Variants in ZNF263 observed in about 807,000 individuals in gnomAD.
ZNF263 encodes the protein zinc finger protein FPM315.
In ZNF263, 49 loss-of-function variants were observed where a neutral mutation model predicts 63.1. That is an observed-to-expected ratio of 0.78 (90% CI 0.62 to 0.99). ZNF263 has a LOEUF of 0.99. Among genes scored for constraint, ZNF263 ranks in the 50% least tolerant of loss-of-function variants. The pLI is 0.00. For missense variants in ZNF263, 872 were observed against 854.8 expected (o/e 1.02, Z -0.25); for synonymous variants, 352 against 324.2 (o/e 1.09, Z -0.92).
rs749020148 is a variant in ZNF263, at chr16:3,289,529, G to A, written c.1023G>A (p.Ser341=). The change falls in exon 6 of 6, where the codon TCG becomes TCA. Residue 341 remains serine, a synonymous_variant. Transcript: ENST00000219069. ...SPELGRPHDR[S]QGDWAPPPEG... ...AGCTGGGAAGACCTCATGACCGGTC[G>A]CAAGGGGATTGGGCGCCTCCCCCAG... 4.8e-5 allele frequency: 76 copies of A among 1,599,542 alleles called. No homozygotes were observed. In the Admixed American group the frequency reaches 7.5e-4, roughly 16 times the overall value.
chr16:3,284,964 G>A (rs1959286472), intron 1 of ZNF263, 95 bp from the exon 2 acceptor site: 1 of 1,470,336 alleles, frequency 6.8e-7, no homozygotes, highest in Non-Finnish European at 9.3e-7. Flanking sequence ...GATCGCCTGA[G>A]GTTCTCTGTT....
At chr16:3,286,662 T>C (rs1596370464) in intron 4 of ZNF263, 1 of 152,824 alleles carries the variant, frequency 6.5e-6, no homozygotes, top group Non-Finnish European at 1.5e-5. Flanking sequence ...TGTGGAAATT[T>C]GGAAACAATG....
Position 3,289,550 on chromosome 16 carries a change from C to T in ZNF263, c.1044C>T (p.Pro348=), listed in dbSNP as rs1567252496. ...GGTCGCAAGGGGATTGGGCGCCTCC[C>T]CCAGAGGGTGGAATGGAGCAGGCCT... ...HDRSQGDWAP[P]PEGGMEQALA... The change falls in exon 6 of 6, where the codon CCC becomes CCT. Residue 348 remains proline (P), a synonymous_variant. Coordinates refer to ENST00000219069, the MANE Select transcript of ZNF263 (RefSeq NM_005741.5). 2.5e-6 allele frequency: 4 copies of T among 1,610,810 alleles called. No homozygotes were observed. The highest frequency in any genetic ancestry group is 3.4e-6 in the Non-Finnish European group (4 of 1,178,224).
At chr16:3,285,894 G>C in intron 3 of ZNF263, 129 bp from the exon 4 acceptor site, 1 of 1,549,968 alleles carries the variant, frequency 6.5e-7, no homozygotes, top group Admixed American at 1.7e-5. Flanking sequence ...CACCTCACTT[G>C]GAGGCCTGAT....
intron 1 of ZNF263, among the ~76,000 whole-genome samples, chr16:3,297,527 C>T (rs1959790436): frequency 7.5e-6 from 1 of 132,800 alleles, no homozygotes; most frequent in Non-Finnish European, 1.5e-5. Context: ...TGCAGTGGCG[C>T]GATCTCGGCT....
At chr16:3,300,387 T>G in intron 2 of ZNF263, 1 of 1,614,226 alleles carries the variant, frequency 6.2e-7, no homozygotes, top group South Asian at 1.1e-5. Context: ...CATCACCATA[T>G]TTGGCTCCCG....
At position 3,289,535 on chromosome 16, in the gene ZNF263, G is replaced by A; in HGVS notation, c.1029G>A (p.Gly343=). ...GAAGACCTCATGACCGGTCGCAAGG[G>A]GATTGGGCGCCTCCCCCAGAGGGTG... ...ELGRPHDRSQ[G]DWAPPPEGGM... is the part of the protein sequence containing the mutation. Residue 343 remains glycine (G), a synonymous_variant, in exon 6 of 6, where the codon GGG becomes GGA. Transcript: ENST00000219069. The A allele has an allele frequency of 6.2e-7, 1 of 1,604,768 alleles. No individual in the cohort carries two copies. Among genetic ancestry groups the A allele is most frequent in the Non-Finnish European group, 8.5e-7 (1 of 1,174,758 alleles).
rs1259456143 is a variant in ZNF263 at position 3,283,962 on chromosome 16, C to G, written c.144C>G (p.Arg48=). 5 of 1,613,836 alleles carry G rather than the reference C, an allele frequency of 3.1e-6. No homozygotes were observed. The highest frequency in any genetic ancestry group is 2.7e-5 in the African/African-American group (2 of 74,932). ...EASHLRFRRF[R]FQEAAGPREA... ...CCCACTTGCGCTTCAGACGGTTCCG[C>G]TTCCAAGAGGCAGCTGGTCCCCGGG... The change falls in exon 1 of 6, where the codon CGC becomes CGG. Residue 48 remains arginine (R), a synonymous_variant. Coordinates refer to ENST00000219069, the MANE Select transcript of ZNF263 (RefSeq NM_005741.5).
At position 3,300,765 on chromosome 16, in the gene ZNF263, G is replaced by A; in HGVS notation, c.*47-148G>A. 8 of 1,335,864 alleles carry A rather than the reference G, an allele frequency of 6.0e-6. No homozygotes were observed. The South Asian group carries it at 8.2e-5, about 14-fold the overall frequency. The allele number at this position is 1,335,864 out of a possible 1,614,324, so 82.8% of individuals were successfully genotyped here. On this transcript the variant is annotated intron_variant, in intron 2 of 2. Transcript: ENST00000574674. ...TATTGGAGGATAATGGACTGAAGGG[G>A]CTAACCATGACTGAAGAGCTAGTCT...
chr16:3,299,515 C>A (rs1394089676), intron 2 of ZNF263: 1 of 1,531,622 alleles, frequency 6.5e-7, no homozygotes, highest in Non-Finnish European at 8.7e-7. Flanking sequence ...TTTGGAAACT[C>A]CTTTATCTCC....
At chr16:3,299,319 A>G (rs1211522068) in intron 2 of ZNF263, 1 of 1,601,202 alleles carries the variant, frequency 6.2e-7, no homozygotes, top group East Asian at 2.3e-5. Context: ...CATCCAACTT[A>G]GTTTCCAACT....
chr16:3,287,929 A>C (rs1244947482), intron 4 of ZNF263, among the ~76,000 whole-genome samples: 1 of 151,856 alleles, frequency 6.6e-6, no homozygotes, highest in Non-Finnish European at 1.5e-5. Flanking sequence ...TGCAAAAAAA[A>C]ACATTCCAAG....
At chr16:3,298,446 A>G (rs1440075821) in intron 1 of ZNF263, among the ~76,000 whole-genome samples, 1 of 152,270 alleles carries the variant, frequency 6.6e-6, no homozygotes, top group Non-Finnish European at 1.5e-5. Context: ...TTTAAAAAAT[A>G]TATGGTATAC....
At chr16:3,300,434 T>C (rs1302504315) in intron 2 of ZNF263, 12 of 1,614,250 alleles carry the variant, frequency 7.4e-6, no homozygotes, top group Non-Finnish European at 1.0e-5. Context: ...ACTAATGGCA[T>C]GTCCTGCTTC....
At position 3,290,845 on chromosome 16, in the gene ZNF263, C is replaced by G. The variant is rs220380; in HGVS notation, c.*287C>G. The G allele has an allele frequency of 2.2e-5, 25 of 1,139,600 alleles. No individual in the cohort carries two copies. The highest frequency in any genetic ancestry group is 2.7e-5 in the Non-Finnish European group (25 of 925,788). 70.6% of individuals were successfully genotyped at this position (1,139,600 alleles called of 1,614,324 possible). On this transcript the variant is annotated 3_prime_UTR_variant, in exon 6 of 6. Transcript: ENST00000219069. Reference sequence around the variant, plus strand: ...TCCTACCCTCTTGGTCTTTTTAAAGCCAAGGTGCGATTTGGGCACCTGACT... The same window carrying G: ...TCCTACCCTCTTGGTCTTTTTAAAGGCAAGGTGCGATTTGGGCACCTGACT...
chr16:3,285,783 C>A (rs199550001), intron 3 of ZNF263, 29 bp downstream of exon 3: 5 of 1,611,958 alleles, frequency 3.1e-6, no homozygotes, highest in Non-Finnish European at 3.4e-6. Flanking sequence ...TTGTCTCCCC[C>A]CAGCACCCTT....
rs1211889452 is a variant in ZNF263 at position 3,299,735 on chromosome 16, G to C, written c.*46+579G>C. 6 of 1,541,026 alleles carry C rather than the reference G, an allele frequency of 3.9e-6. No homozygotes were observed. The South Asian group carries it at 5.2e-5, about 13-fold the overall frequency. ...GGATGAGCCGGGCAACTGTCCAGAA[G>C]TAACAATGCCCTGACGTCCTCGTCA... is the stretch of plus-strand genomic sequence containing the variant. On this transcript the variant is annotated intron_variant, in intron 2 of 2. Coordinates refer to the ZNF263 transcript ENST00000574674.
downstream of ZNF263, chr16:3,293,361 A>G (rs542197955): frequency 6.6e-6 from 1 of 152,392 alleles, no homozygotes; most frequent in East Asian, 1.9e-4. Flanking sequence ...AGGCCTCCCC[A>G]GCCACACAGA....
downstream of ZNF263, among the ~76,000 whole-genome samples, chr16:3,294,174 C>T (rs986383505): frequency 1.1e-4 from 17 of 152,240 alleles, no homozygotes; most frequent in Non-Finnish European, 2.4e-4. Flanking sequence ...ATCTGCCCGC[C>T]TCGGCCTCCC....
Sources: allele counts gnomAD v4.1 joint callset (sites outside exome capture counted in the v4.1 genomes callset), GRCh38; gene constraint gnomAD v4.1.1; transcripts MANE v1.5; gene names NCBI Gene and HGNC (gene_info 2026-07-23, HGNC 2026-07-21).